ANKRD30B: variants seen among roughly 807,000 people sequenced by gnomAD.
ANKRD30B encodes ankyrin repeat domain-containing protein 30B.
A neutral mutation model predicts 202.2 loss-of-function variants in ANKRD30B; 144 were observed. That is an observed-to-expected ratio of 0.71 (90% CI 0.62 to 0.82). ANKRD30B has a LOEUF of 0.82. Among genes scored for constraint, ANKRD30B ranks in the 40% least tolerant of loss-of-function variants. ANKRD30B has a pLI of 0.00. For missense variants in ANKRD30B, 1,487 were observed against 1,669.1 expected (o/e 0.89, Z 1.90); for synonymous variants, 508 against 561.3 (o/e 0.91, Z 1.34).
rs577385476 is a variant in ANKRD30B at position 14,830,265 on chromosome 18, A to C, written c.2775-1118A>C. The C allele has an allele frequency of 4.6e-5, 7 of 153,770 alleles. No homozygotes were observed. In the South Asian group the frequency reaches 1.2e-3, roughly 27 times the overall value. The allele number at this position is 153,770 out of a possible 1,614,324, so 9.5% of individuals were successfully genotyped here. ...GTATATATAGTACTTAGAGAAATCC[A>C]ACTATCAGGACTCAGTTTTTCTAGC... On this transcript the variant is annotated intron_variant, in intron 33 of 43. Coordinates refer to ENST00000690538, the MANE Select transcript of ANKRD30B (RefSeq NM_001367607.2).
chr18:14,931,171 A>G, the ANKRD30B span, among the ~76,000 whole-genome samples: 1 of 152,186 alleles, frequency 6.6e-6, no homozygotes, highest in Non-Finnish European at 1.5e-5. Flanking sequence ...GATGCTACGA[A>G]GAGTGTGCAT....
chr18:14,928,097 A>AGG, the ANKRD30B span, among the ~76,000 whole-genome samples: 1 of 152,100 alleles, frequency 6.6e-6, no homozygotes, highest in South Asian at 2.1e-4. Context: ...CTTCCTGAGT[A>AGG]GCTGGGATTA....
At chr18:14,865,761 A>G in the ANKRD30B span, among the ~76,000 whole-genome samples, 1 of 151,950 alleles carries the variant, frequency 6.6e-6, no homozygotes, top group Non-Finnish European at 1.5e-5. Context: ...CGCTCCAGCC[A>G]CACTACAGTC....
chr18:14,920,408 G>C, the ANKRD30B span, among the ~76,000 whole-genome samples: 2 of 152,162 alleles, frequency 1.3e-5, no homozygotes, highest in African/African-American at 2.4e-5. Flanking sequence ...AAGGTAATGA[G>C]TGTCACCATA....
chr18:14,868,205 G>A, the ANKRD30B span, among the ~76,000 whole-genome samples: 1 of 152,306 alleles, frequency 6.6e-6, no homozygotes, highest in Non-Finnish European at 1.5e-5. Context: ...GGAAGGGGGA[G>A]TAGGAGGGCT....
At chr18:14,766,896 A>T (rs1916319131) in intron 7 of ANKRD30B, among the ~76,000 whole-genome samples, 1 of 152,218 alleles carries the variant, frequency 6.6e-6, no homozygotes, top group Non-Finnish European at 1.5e-5. Flanking sequence ...AAGCAGTAAG[A>T]TTACTGAAAA....
chr18:14,774,089 C>T (rs1344452430), intron 9 of ANKRD30B, among the ~76,000 whole-genome samples: 3 of 152,036 alleles, frequency 2.0e-5, no homozygotes, highest in Non-Finnish European at 4.4e-5. Flanking sequence ...TAAGAATGTT[C>T]CCGCTTTTAG....
At chr18:14,889,555 T>A in the ANKRD30B span, among the ~76,000 whole-genome samples, 1 of 151,860 alleles carries the variant, frequency 6.6e-6, no homozygotes, top group Admixed American at 6.6e-5. Flanking sequence ...TAATTACAGT[T>A]CAAAGCCCAT....
At chr18:14,898,711 A>G in the ANKRD30B span, among the ~76,000 whole-genome samples, 2 of 152,168 alleles carry the variant, frequency 1.3e-5, no homozygotes, top group Non-Finnish European at 2.9e-5. Flanking sequence ...AATCTCATTA[A>G]TTGTAGGTTA....
chr18:14,855,818 G>T (rs1423102010), downstream of ANKRD30B, among the ~76,000 whole-genome samples: 13 of 148,594 alleles, frequency 8.7e-5, no homozygotes, highest in Non-Finnish European at 1.8e-4. Flanking sequence ...TTTCCCAGAC[G>T]GGGTGGCCAG....
intron 30 of ANKRD30B, among the ~76,000 whole-genome samples, chr18:14,821,658 A>G (rs997165075): frequency 1.2e-4 from 19 of 152,008 alleles, no homozygotes; most frequent in Admixed American, 1.1e-3. Context: ...GGGTTTCGCT[A>G]TTTTGGCCAG....
At chr18:14,777,486 C>T (rs538308681) in intron 9 of ANKRD30B, among the ~76,000 whole-genome samples, 36 of 151,500 alleles carry the variant, frequency 2.4e-4, no homozygotes, top group African/African-American at 7.7e-4. Context: ...TTAGTAGAGA[C>T]GGGGTTTCAC....
the ANKRD30B span, among the ~76,000 whole-genome samples, chr18:14,889,097 G>A: frequency 6.6e-6 from 1 of 151,182 alleles, no homozygotes; most frequent in African/African-American, 2.4e-5. Context: ...TCTTAAATTT[G>A]AAATAAAAAC....
At chr18:14,800,308 C>A (rs1969226618) in intron 22 of ANKRD30B, among the ~76,000 whole-genome samples, 1 of 146,740 alleles carries the variant, frequency 6.8e-6, no homozygotes, top group Non-Finnish European at 1.5e-5. Flanking sequence ...CTTAAATTTT[C>A]TTTTTTTTTT....
Position 14,754,948 on chromosome 18 carries a change from C to T in ANKRD30B, c.560C>T (p.Thr187Ile), listed in dbSNP as rs1914093220. Reference protein sequence around the residue: ...LLAIQKRSKQTVEFLLTKNAN... With the variant: ...LLAIQKRSKQIVEFLLTKNAN... ...GCCATACAGAAAAGAAGCAAGCAAA[C>T]TGTGGAATTTTTACTAACAAAAAAT... is the stretch of plus-strand genomic sequence containing the variant. Residue 187 changes from threonine (T) to isoleucine (I), a missense_variant, in exon 4 of 44, where the codon ACT becomes ATT. By Grantham distance (89) the Thr-to-Ile change is moderately conservative. This residue lies in a region of ANKRD30B where 889 missense variants were observed against 841.4 expected (regional missense o/e 1.06). Transcript: ENST00000690538. 1 of 1,559,620 alleles carries T rather than the reference C, an allele frequency of 6.4e-7. No individual in the cohort carries two copies. Among genetic ancestry groups the T allele is most frequent in the East Asian group, 2.4e-5 (1 of 42,058 alleles).
chr18:14,772,251 T>C, intron 9 of ANKRD30B, 23 bp downstream of exon 9: 1 of 1,432,540 alleles, frequency 7.0e-7, no homozygotes, highest in Non-Finnish European at 9.4e-7. Flanking sequence ...TTTGTGAAGT[T>C]GATTTTCTCA....
intron 16 of ANKRD30B, among the ~76,000 whole-genome samples, chr18:14,791,824 G>T (rs867682296): frequency 1.1e-4 from 16 of 152,272 alleles, no homozygotes; most frequent in Non-Finnish European, 1.9e-4. Flanking sequence ...CAAGAGGCAG[G>T]TTTATATAAT....
intron 7 of ANKRD30B, among the ~76,000 whole-genome samples, chr18:14,765,546 A>G (rs1252131946): frequency 1.3e-5 from 2 of 152,212 alleles, no homozygotes; most frequent in Non-Finnish European, 2.9e-5. Flanking sequence ...TGCATTGTAG[A>G]GTGAAAGCAG....
chr18:14,789,060 T>G (rs1190226028), intron 15 of ANKRD30B, among the ~76,000 whole-genome samples: 2 of 151,780 alleles, frequency 1.3e-5, no homozygotes, highest in Non-Finnish European at 2.9e-5. Context: ...GCACCTGTTG[T>G]TTCCTGACTT....
Sources: allele counts gnomAD v4.1 joint callset (sites outside exome capture counted in the v4.1 genomes callset), GRCh38; gene constraint gnomAD v4.1.1; regional missense constraint gnomAD v4.1.1; transcripts MANE v1.5; gene names NCBI Gene and HGNC (gene_info 2026-07-23, HGNC 2026-07-21).